The following GUCY1A2 variants were observed in gnomAD, a reference collection of about 807,000 sequenced individuals.
GUCY1A2 encodes guanylate cyclase soluble subunit alpha-2.
A neutral mutation model predicts 63.5 loss-of-function variants in GUCY1A2; 27 were observed. That is an observed-to-expected ratio of 0.43 (90% CI 0.31 to 0.59). The LOEUF (loss-of-function observed/expected upper bound fraction) is 0.59, where lower values mean the gene tolerates loss of function less well. Among genes scored for constraint, GUCY1A2 ranks in the 20% least tolerant of loss-of-function variants. The probability of loss-of-function intolerance (pLI) is 0.11; values close to 1 mark genes in which losing one functional copy is unlikely to be tolerated. For synonymous variants in GUCY1A2, 364 were observed against 343.5 expected (o/e 1.06, Z -0.66); for missense variants, 768 against 913.3 (o/e 0.84, Z 2.05).
intron 6 of GUCY1A2, among the ~76,000 whole-genome samples, chr11:106,748,737 C>T (rs1014301210): frequency 4.6e-5 from 7 of 152,238 alleles, no homozygotes; most frequent in South Asian, 2.1e-4. Context: ...ATTTTTAATA[C>T]GCTAATATTT....
chr11:106,881,225 T>C (rs1485722165), intron 4 of GUCY1A2, among the ~76,000 whole-genome samples: 1 of 151,976 alleles, frequency 6.6e-6, no homozygotes, highest in Non-Finnish European at 1.5e-5. Flanking sequence ...TATGAAGCAA[T>C]GTTACATATA....
At chr11:106,844,339 T>C (rs899005799) in intron 4 of GUCY1A2, among the ~76,000 whole-genome samples, 1 of 151,834 alleles carries the variant, frequency 6.6e-6, no homozygotes, top group Non-Finnish European at 1.5e-5. Context: ...TGTTTTTATG[T>C]AGTATATGTA....
rs1430368412 is a variant in GUCY1A2, at chr11:107,018,345, AGCGCCCGCCTCG to A, written c.-302_-291del. 1 of 147,710 alleles carries A rather than the reference AGCGCCCGCCTCG, an allele frequency of 6.8e-6. No individual in the cohort carries two copies. Among genetic ancestry groups the A allele is most frequent in the African/African-American group, 2.5e-5 (1 of 40,718 alleles). The allele number at this position is 147,710 out of a possible 1,614,324, so 9.1% of individuals were successfully genotyped here. ...GCTGCTGCTCGCGCGGCGCCGCCTC[AGCGCCCGCCTCG>A]GCGCATCGCCGTGCGCCGCGCTCCC... On this transcript the variant is annotated 5_prime_UTR_variant, in exon 1 of 8. Transcript: ENST00000526355.
At chr11:106,697,775 G>A (rs1591234439) in intron 7 of GUCY1A2, among the ~76,000 whole-genome samples, 1 of 152,136 alleles carries the variant, frequency 6.6e-6, no homozygotes, top group South Asian at 2.1e-4. Flanking sequence ...TCAAGGCACA[G>A]TATTAACCAT....
At chr11:106,710,812 T>C (rs1863104107) in intron 6 of GUCY1A2, among the ~76,000 whole-genome samples, 1 of 152,008 alleles carries the variant, frequency 6.6e-6, no homozygotes. Context: ...AGAGTGTTCC[T>C]TGGAGGGAGG....
chr11:106,751,478 C>T (rs1026601215), intron 6 of GUCY1A2, among the ~76,000 whole-genome samples: 1 of 150,828 alleles, frequency 6.6e-6, no homozygotes, highest in Non-Finnish European at 1.5e-5. Flanking sequence ...CTTAGGGATT[C>T]CCTTCATGGG....
intron 1 of GUCY1A2, among the ~76,000 whole-genome samples, chr11:107,008,672 G>C (rs1370933234): frequency 6.6e-6 from 1 of 152,102 alleles, no homozygotes; most frequent in Non-Finnish European, 1.5e-5. Context: ...ATCTCAAAGA[G>C]GCAGAATAAA....
At chr11:106,698,978 T>G (rs748934531) in intron 7 of GUCY1A2, among the ~76,000 whole-genome samples, 2 of 152,190 alleles carry the variant, frequency 1.3e-5, no homozygotes, top group Non-Finnish European at 2.9e-5. Flanking sequence ...CATGTGAGTA[T>G]GCAAAGAAAA....
At chr11:106,806,037 C>A (rs1429055373) in intron 5 of GUCY1A2, among the ~76,000 whole-genome samples, 2 of 152,048 alleles carry the variant, frequency 1.3e-5, no homozygotes, top group East Asian at 3.9e-4. Context: ...ATATTTTATT[C>A]TTTTCTAAAA....
chr11:106,826,498 T>A, intron 4 of GUCY1A2: 1 of 1,603,670 alleles, frequency 6.2e-7, no homozygotes, highest in African/African-American at 1.3e-5. Context: ...TTCTTCTAAA[T>A]CAGTTTCACC....
rs570832731 is a variant in GUCY1A2 at position 106,862,875 on chromosome 11, T to C, written c.1207-52397A>G. On this transcript the variant is annotated intron_variant, in intron 4 of 7. Coordinates refer to ENST00000526355, the MANE Select transcript of GUCY1A2 (RefSeq NM_000855.3). Reference sequence around the variant, plus strand: ...GCTCTTTGTTTCTATGCTTTTAAACTTCTCTCTTTCATTGAGATACCTAGA... The same window carrying C: ...GCTCTTTGTTTCTATGCTTTTAAACCTCTCTCTTTCATTGAGATACCTAGA... Among the ~76,000 whole-genome samples, 135 of 152,202 alleles carry C rather than the reference T, an allele frequency of 8.9e-4. 1 individual carries two copies. The highest frequency in any genetic ancestry group is 1.4e-3 in the Non-Finnish European group (97 of 67,992).
At chr11:106,772,930 A>G (rs894640264) in intron 6 of GUCY1A2, among the ~76,000 whole-genome samples, 1 of 152,158 alleles carries the variant, frequency 6.6e-6, no homozygotes, top group African/African-American at 2.4e-5. Context: ...ACCATTCAAT[A>G]ATTATTCCCT....
intron 6 of GUCY1A2, among the ~76,000 whole-genome samples, chr11:106,760,720 G>A (rs200407905): frequency 2.0e-5 from 3 of 152,016 alleles, no homozygotes; most frequent in African/African-American, 7.2e-5. Flanking sequence ...GGATATAAAG[G>A]TACACATTTA....
At chr11:106,982,006 A>C (rs920377552) in intron 2 of GUCY1A2, among the ~76,000 whole-genome samples, 1 of 152,186 alleles carries the variant, frequency 6.6e-6, no homozygotes, top group Non-Finnish European at 1.5e-5. Context: ...TATGCTAACT[A>C]CTTTATGTGA....
intron 6 of GUCY1A2, among the ~76,000 whole-genome samples, chr11:106,719,707 G>A (rs1232844965): frequency 6.6e-6 from 1 of 152,148 alleles, no homozygotes; most frequent in African/African-American, 2.4e-5. Flanking sequence ...CTTTAAAATT[G>A]CTGTTTTGAA....
intron 6 of GUCY1A2, among the ~76,000 whole-genome samples, chr11:106,726,939 G>A (rs1863418960): frequency 6.6e-6 from 1 of 152,230 alleles, no homozygotes; most frequent in East Asian, 1.9e-4. Flanking sequence ...TGTGGCATGG[G>A]AAACAAAAAG....
At position 106,684,463 on chromosome 11, in the gene GUCY1A2, C is replaced by A. The variant is rs1191092813; in HGVS notation, c.*3086G>T. On this transcript the variant is annotated 3_prime_UTR_variant, in exon 8 of 8. Transcript: ENST00000526355. ...TTATTTTTTATTATGGCCAATGTTA[C>A]CTAATGATTAAGGTCCACAAAGAAG... is the stretch of plus-strand genomic sequence containing the variant. 1.0e-5 allele frequency: 2 copies of A among 190,828 alleles called. No individual in the cohort carries two copies. The highest frequency in any genetic ancestry group is 1.2e-4 in the Admixed American group (2 of 16,256). The allele number at this position is 190,828 out of a possible 1,614,324, so 11.8% of individuals were successfully genotyped here.
intron 6 of GUCY1A2, among the ~76,000 whole-genome samples, chr11:106,715,868 GAT>G (rs1314459757): frequency 6.6e-5 from 10 of 152,168 alleles, no homozygotes; most frequent in African/African-American, 2.4e-4. Flanking sequence ...TGCTGTAAAA[GAT>G]ACAATAGCTA....
At chr11:106,717,024 A>G (rs1863228925) in intron 6 of GUCY1A2, among the ~76,000 whole-genome samples, 1 of 152,094 alleles carries the variant, frequency 6.6e-6, no homozygotes, top group Admixed American at 6.5e-5. Flanking sequence ...AACAACAGAG[A>G]TGCCAAGTTC....
Sources: gnomAD v4.1 joint callset for allele counts (sites outside exome capture counted in the v4.1 genomes callset) on GRCh38, gnomAD v4.1.1 for gene constraint, MANE v1.5 for transcripts, NCBI Gene and HGNC (gene_info 2026-07-23, HGNC 2026-07-21) for gene names.